GGT5: variants seen among roughly 807,000 people sequenced by gnomAD.
GGT5 encodes the protein gamma-glutamyltransferase 5, also known as glutathione hydrolase 5 proenzyme.
GGT5 carries 50 observed loss-of-function variants against 58.1 expected under a neutral mutation model. The ratio of observed to expected loss-of-function variants is 0.86; its 90% CI spans 0.69 to 1.09. GGT5 has a LOEUF of 1.09. Ranked by LOEUF, GGT5 falls within the 50% of genes least tolerant of loss-of-function variation. The pLI is 0.00. For missense variants in GGT5, 800 were observed against 789.4 expected, an observed-to-expected ratio of 1.01 and a Z score of -0.16; for synonymous variants, 370 against 346.1, an observed-to-expected ratio of 1.07 and a Z score of -0.77.
At position 24,232,783 on chromosome 22, in the gene GGT5, C is replaced by T. The variant is rs768531092; in HGVS notation, c.596+40G>A. ...TGGACTGGGCCCAGACAGGATATGG[C>T]CTTGAACCCAGGAACCCAGGGCCAC... On this transcript the variant is annotated intron_variant, in intron 4 of 11. Transcript: ENST00000327365. The T allele has an allele frequency of 5.7e-6, 8 of 1,406,512 alleles. No individual in the cohort carries two copies. In the African/African-American group the frequency reaches 7.2e-5, roughly 13 times the overall value. The allele number at this position is 1,406,512 out of a possible 1,614,324, so 87.1% of individuals were successfully genotyped here. A position where few individuals can be genotyped will look rare whatever the true frequency, so the allele number is the denominator to read the frequency against.
In GGT5 at chr22:24,219,961, A is replaced by G. The variant is rs769296455; in HGVS notation, c.*9T>C. ...GGGGCCAGACTTCAGCTCTGGGCAG[A>G]GCAGTGTCTTAGTAGCCTGCGGCCT... On this transcript the variant is annotated 3_prime_UTR_variant, in exon 12 of 12. Transcript: ENST00000327365. 6.2e-7 allele frequency: 1 copy of G among 1,613,846 alleles called. No homozygotes were observed. The highest frequency in any genetic ancestry group is 8.5e-7 in the Non-Finnish European group (1 of 1,179,804).
At chr22:24,221,197 C>T (rs546296830) in intron 11 of GGT5, among the ~76,000 whole-genome samples, 7 of 152,288 alleles carry the variant, frequency 4.6e-5, no homozygotes, top group South Asian at 4.2e-4. Context: ...AAAACAAAGA[C>T]GGTAACAGCC....
intron 1 of GGT5, chr22:24,241,736 T>C (rs1369783170): frequency 1.3e-5 from 2 of 151,734 alleles, no homozygotes; most frequent in Non-Finnish European, 2.9e-5. Context: ...TATATAGCTA[T>C]TATAATTATA....
At chr22:24,229,268 G>T (rs1393262131) in intron 6 of GGT5, among the ~76,000 whole-genome samples, 1 of 150,496 alleles carries the variant, frequency 6.6e-6, no homozygotes, top group South Asian at 2.1e-4. Context: ...AAAATTAGTT[G>T]TGGTGGCAGG....
In GGT5 at chr22:24,220,068, G is replaced by C. The variant is rs368177509; in HGVS notation, c.1663C>G (p.Pro555Ala). The C allele has an allele frequency of 9.9e-6, 16 of 1,614,172 alleles. No homozygotes were observed. The highest frequency in any genetic ancestry group is 1.4e-5 in the Non-Finnish European group (16 of 1,179,998). ...GCCTGGACCACGTTCAGGAAGAAGGGCCTCTGGGTCTGGTTCTGGCCACGG... is the reference window on the plus strand; with the variant it reads ...GCCTGGACCACGTTCAGGAAGAAGGCCCTCTGGGTCTGGTTCTGGCCACGG... Reference protein sequence around the residue: ...QDRGQNQTQRPFFLNVVQAVS... With the variant: ...QDRGQNQTQRAFFLNVVQAVS... Residue 555 changes from proline (P) to alanine (A), a missense_variant, in exon 12 of 12, where the codon CCC becomes GCC. Pro to Ala is a conservative substitution (Grantham distance 27, BLOSUM62 -1). Coordinates refer to ENST00000327365, the MANE Select transcript of GGT5 (RefSeq NM_004121.5).
rs1243848313 is a variant in GGT5 at position 24,225,095 on chromosome 22, G to A, written c.1515C>T (p.Ser505=). ...IISAVAQAIM[S]KLWLGFDLRA... ...TCAGGTCAAAGCCAAGCCACAGCTT[G>A]CTCATGATGGCCTGGGGGAGAGATG... The change falls in exon 11 of 12, where the codon AGC becomes AGT. Residue 505 remains serine (S), a synonymous_variant. Transcript: ENST00000327365. 6.2e-7 allele frequency: 1 copy of A among 1,601,510 alleles called. No homozygotes were observed. The highest frequency in any genetic ancestry group is 8.5e-7 in the Non-Finnish European group (1 of 1,173,892).
intron 6 of GGT5, among the ~76,000 whole-genome samples, chr22:24,227,098 G>A (rs538004800): frequency 9.2e-5 from 14 of 151,902 alleles, no homozygotes; most frequent in Admixed American, 4.6e-4. Flanking sequence ...ACATGTGTTC[G>A]CCACCACGTA....
At chr22:24,224,562 C>G (rs1330571134) in intron 11 of GGT5, among the ~76,000 whole-genome samples, 2 of 151,906 alleles carry the variant, frequency 1.3e-5, no homozygotes, top group Non-Finnish European at 2.9e-5. Flanking sequence ...ACCACCAATG[C>G]CCTAGTGCCC....
intron 1 of GGT5, among the ~76,000 whole-genome samples, chr22:24,235,710 A>G (rs1379457006): frequency 6.6e-6 from 1 of 152,244 alleles, no homozygotes. Flanking sequence ...AACTGGGGGA[A>G]AAAACACTTT....
At chr22:24,234,093 T>C (rs1601410261) in intron 1 of GGT5, 89 bp from the exon 2 acceptor site, 1 of 1,342,544 alleles carries the variant, frequency 7.4e-7, no homozygotes, top group Non-Finnish European at 1.0e-6. Flanking sequence ...TGGAGAATGG[T>C]GACGGAGGCG....
At chr22:24,231,933 C>T (rs1569363027) in intron 5 of GGT5, 118 bp downstream of exon 5, 1 of 840,382 alleles carries the variant, frequency 1.2e-6, no homozygotes, top group Non-Finnish European at 1.9e-6. Flanking sequence ...CTCTCGGGGT[C>T]CCGGGCACTG....
chr22:24,232,234 TGGG>T, intron 4 of GGT5, 26 bp from the exon 5 acceptor site: 1 of 961,624 alleles, frequency 1.0e-6, no homozygotes, highest in Non-Finnish European at 1.5e-6. Flanking sequence ...AGCCTCAGGG[TGGG>T]GCCAGGTCCC....
At chr22:24,242,638 G>A (rs2048356389) in intron 1 of GGT5, 1 of 152,416 alleles carries the variant, frequency 6.6e-6, no homozygotes, top group Admixed American at 6.5e-5. Context: ...GACTCTGGGA[G>A]GGCCTCCTGG....
chr22:24,233,100 G>C, intron 3 of GGT5, 82 bp from the exon 4 acceptor site: 1 of 1,066,744 alleles, frequency 9.4e-7, no homozygotes, highest in Non-Finnish European at 1.3e-6. Flanking sequence ...TGGCCCCCCA[G>C]TTACAGCAGC....
chr22:24,241,551 C>T (rs534113579), intron 1 of GGT5: 33 of 152,258 alleles, frequency 2.2e-4, no homozygotes, highest in Middle Eastern at 3.4e-3. Flanking sequence ...TCTGTTTTAC[C>T]TAAAGTCAAC....
At chr22:24,238,530 A>C (rs1431853805) in intron 1 of GGT5, among the ~76,000 whole-genome samples, 1 of 142,058 alleles carries the variant, frequency 7.0e-6, no homozygotes, top group Admixed American at 7.3e-5. Context: ...GTGAGACCCC[A>C]TCTCAAAAAA....
chr22:24,231,481 C>A lies in GGT5; in HGVS notation c.804G>T (p.Val268=). 1 of 1,582,368 alleles carries A rather than the reference C, an allele frequency of 6.3e-7. No homozygotes were observed. ...CCCCCAGGGGCACCTCCAGGGCATC[C>A]ACCACCTCGGGCTGGAACTTGGCCA... ...QDLAKFQPEV[V]DALEVPLGDY... The change falls in exon 6 of 12, where the codon GTG becomes GTT. Residue 268 remains valine, a synonymous_variant. Transcript: ENST00000327365.
rs9680720 is a variant in GGT5, at chr22:24,235,935, C to T, written c.174-1931G>A. ...CTGCCAGGCTTTGGTTTTCGTCCCACCTCCCTGGTCTCCTGATGTTGGGGG... is the reference window on the plus strand; with the variant it reads ...CTGCCAGGCTTTGGTTTTCGTCCCATCTCCCTGGTCTCCTGATGTTGGGGG... On this transcript the variant is annotated intron_variant, in intron 1 of 11. Transcript: ENST00000327365. 2.3e-3 allele frequency among the ~76,000 whole-genome samples: 355 copies of T among 152,284 alleles called. 3 individuals carry two copies. The highest frequency in any genetic ancestry group is 8.0e-3 in the African/African-American group (333 of 41,564).
In GGT5 at chr22:24,244,579, G is replaced by T; in HGVS notation, c.147C>A (p.Asp49Glu). 1 of 1,612,342 alleles carries T rather than the reference G, an allele frequency of 6.2e-7. No individual in the cohort carries two copies. The highest frequency in any genetic ancestry group is 1.3e-5 in the African/African-American group (1 of 74,990). ...GTCCAATATCCGAGCAGACCTTGGAGTCGGCGGCAACAGCAGCGTGGGCAA... is the reference window on the plus strand; with the variant it reads ...GTCCAATATCCGAGCAGACCTTGGATTCGGCGGCAACAGCAGCGTGGGCAA... ...QAFAHAAVAA[D>E]SKVCSDIGRA... Residue 49 changes from aspartate to glutamate, a missense_variant, in exon 1 of 12, where the codon GAC becomes GAA. Coordinates refer to ENST00000327365, the MANE Select transcript of GGT5 (RefSeq NM_004121.5).
Sources: gnomAD v4.1 joint callset for allele counts (sites outside exome capture counted in the v4.1 genomes callset) on GRCh38, gnomAD v4.1.1 for gene constraint, MANE v1.5 for transcripts, NCBI Gene and HGNC (gene_info 2026-07-23, HGNC 2026-07-21) for gene names.